The following EFCAB11 variants were observed in gnomAD, a reference collection of about 807,000 sequenced individuals.
EFCAB11 encodes EF-hand calcium-binding domain-containing protein 11.
Under a neutral mutation model 23.0 loss-of-function variants are expected in EFCAB11, and 14 were observed. The observed-to-expected ratio is 0.61, with a 90% CI of 0.40 to 0.95. The LOEUF is 0.95. Ranked by LOEUF, EFCAB11 falls within the 40% of genes least tolerant of loss-of-function variation. EFCAB11 has a pLI of 0.00. For synonymous variants in EFCAB11, 65 were observed against 66.6 expected (o/e 0.98, Z 0.11); for missense variants, 198 against 195.8 (o/e 1.01, Z -0.07).
At chr14:89,930,275 T>G (rs1039611226) in intron 5 of EFCAB11, among the ~76,000 whole-genome samples, 1 of 152,218 alleles carries the variant, frequency 6.6e-6, no homozygotes, top group East Asian at 1.9e-4. Context: ...AAATAACCTA[T>G]TTACTAATTT....
intron 3 of EFCAB11, among the ~76,000 whole-genome samples, chr14:89,935,539 G>A (rs1890551363): frequency 6.6e-6 from 1 of 151,850 alleles, no homozygotes; most frequent in African/African-American, 2.4e-5. Context: ...AGTCTCCCCA[G>A]TAGCCGGAAC....
chr14:89,871,656 T>G (rs146644908), intron 5 of EFCAB11, among the ~76,000 whole-genome samples: 1 of 152,358 alleles, frequency 6.6e-6, no homozygotes, highest in African/African-American at 2.4e-5. Flanking sequence ...GTTACTAATG[T>G]ACTGACCTCT....
chr14:89,896,123 C>T (rs1889147683), intron 5 of EFCAB11, among the ~76,000 whole-genome samples: 1 of 152,206 alleles, frequency 6.6e-6, no homozygotes, highest in East Asian at 1.9e-4. Context: ...CGGTGGCTCA[C>T]GCCTGTAATC....
At chr14:89,866,575 C>T (rs999206017) in intron 5 of EFCAB11, among the ~76,000 whole-genome samples, 2 of 152,300 alleles carry the variant, frequency 1.3e-5, no homozygotes, top group East Asian at 3.9e-4. Context: ...GCACACCATG[C>T]GTCTTGCCTA....
intron 3 of EFCAB11, among the ~76,000 whole-genome samples, chr14:89,948,317 A>G (rs1286577899): frequency 6.6e-6 from 1 of 152,232 alleles, no homozygotes. Context: ...GCTTTTATCC[A>G]AAAGACAGGT....
chr14:89,804,096 G>A, intron 5 of EFCAB11, among the ~76,000 whole-genome samples: 1 of 152,194 alleles, frequency 6.6e-6, no homozygotes, highest in East Asian at 1.9e-4. Context: ...GCCATTGCTG[G>A]GAAAGCCTCA....
At chr14:89,842,585 TTAATATGATA>T (rs954522090) in intron 5 of EFCAB11, among the ~76,000 whole-genome samples, 6 of 139,638 alleles carry the variant, frequency 4.3e-5, no homozygotes, top group East Asian at 4.1e-4. Context: ...AAAAAATAAA[TTAATATGATA>T]TAATATGATA....
intron 5 of EFCAB11, among the ~76,000 whole-genome samples, chr14:89,927,565 A>C (rs1890233572): frequency 6.6e-6 from 1 of 152,218 alleles, no homozygotes; most frequent in South Asian, 2.1e-4. Flanking sequence ...TGCATCACTA[A>C]TAGCCTCAGC....
chr14:89,840,575 T>C (rs1423613316), intron 5 of EFCAB11, among the ~76,000 whole-genome samples: 7 of 152,250 alleles, frequency 4.6e-5, no homozygotes, highest in East Asian at 1.9e-4. Context: ...ATGTTAATTA[T>C]GTAAGACAAA....
chr14:89,929,016 C>T (rs1236564660), intron 5 of EFCAB11, among the ~76,000 whole-genome samples: 5 of 127,268 alleles, frequency 3.9e-5, no homozygotes, highest in Admixed American at 1.7e-4. Context: ...GAAAGATGGA[C>T]ATATAAATAC....
At chr14:89,952,383 A>C (rs1891202493) in intron 2 of EFCAB11, 2 of 985,302 alleles carry the variant, frequency 2.0e-6, no homozygotes, top group Admixed American at 1.2e-4. Context: ...AAATGAGACA[A>C]GATACCTTTC....
chr14:89,805,585 A>G (rs1201635881), intron 5 of EFCAB11, among the ~76,000 whole-genome samples: 1 of 152,224 alleles, frequency 6.6e-6, no homozygotes, highest in Non-Finnish European at 1.5e-5. Flanking sequence ...TAATTTGTGC[A>G]CAGGCTTTTA....
At chr14:89,939,277 T>TA (rs60362204) in intron 3 of EFCAB11, among the ~76,000 whole-genome samples, 29,499 of 147,508 alleles carry the variant, frequency 0.2, 4,050 homozygotes, top group African/African-American at 0.38. Flanking sequence ...TTGCAGAGGT[T>TA]AAAAAAAAAA....
chr14:89,922,810 TGAA>T (rs1405016792), intron 5 of EFCAB11, among the ~76,000 whole-genome samples: 3 of 152,026 alleles, frequency 2.0e-5, no homozygotes, highest in African/African-American at 7.2e-5. Flanking sequence ...TGAAAAAGCA[TGAA>T]GAAGAAAGAT....
chr14:89,851,805 G>A, intron 5 of EFCAB11, among the ~76,000 whole-genome samples: 1 of 152,152 alleles, frequency 6.6e-6, no homozygotes, highest in East Asian at 1.9e-4. Flanking sequence ...CGGGTCTAAG[G>A]CAAAAGGCTA....
intron 5 of EFCAB11, among the ~76,000 whole-genome samples, chr14:89,872,333 G>T (rs750160915): frequency 2.6e-5 from 4 of 152,186 alleles, no homozygotes; most frequent in Non-Finnish European, 5.9e-5. Flanking sequence ...ACGCGCAAAG[G>T]CACAGAGGTG....
In EFCAB11 at chr14:89,954,055, T is replaced by C. The variant is rs34576533; in HGVS notation, c.76-54A>G. ...TGAGACAGAAATGGTTTATTTTTAT[T>C]ACTAGTTTATTATACAGTTTGGACC... On this transcript the variant is annotated intron_variant, in intron 1 of 5. Transcript: ENST00000316738. 2.3e-3 allele frequency: 3,458 copies of C among 1,483,720 alleles called. 7 individuals are homozygous for C. The highest frequency in any genetic ancestry group is 3.0e-3 in the Non-Finnish European group (3,263 of 1,075,352). 91.9% of individuals were successfully genotyped at this position (1,483,720 alleles called of 1,614,324 possible).
intron 3 of EFCAB11, among the ~76,000 whole-genome samples, chr14:89,936,568 G>T (rs781064623): frequency 2.6e-5 from 4 of 152,052 alleles, no homozygotes; most frequent in African/African-American, 4.8e-5. Context: ...CATACTCTAG[G>T]GGTTAAACTC....
At chr14:89,844,814 T>G (rs548273520) in intron 5 of EFCAB11, among the ~76,000 whole-genome samples, 1 of 152,340 alleles carries the variant, frequency 6.6e-6, no homozygotes, top group South Asian at 2.1e-4. Flanking sequence ...GACTTGGCTT[T>G]GGGTATCAGC....
Sources: gnomAD v4.1 joint callset for allele counts (sites outside exome capture counted in the v4.1 genomes callset) on GRCh38, gnomAD v4.1.1 for gene constraint, MANE v1.5 for transcripts, NCBI Gene and HGNC (gene_info 2026-07-23, HGNC 2026-07-21) for gene names.